JAK2: variants seen among roughly 807,000 people sequenced by gnomAD.
JAK2 encodes tyrosine-protein kinase JAK2.
A neutral mutation model predicts 139.3 loss-of-function variants in JAK2; 86 were observed. The ratio of observed to expected loss-of-function variants is 0.62; its 90% confidence interval spans 0.52 to 0.74. The LOEUF (loss-of-function observed/expected upper bound fraction) is 0.74. Among genes scored for constraint, JAK2 ranks in the 30% least tolerant of loss-of-function variants. The probability of loss-of-function intolerance (pLI) is 0.00; values close to 1 mark genes in which losing one functional copy is unlikely to be tolerated. For missense variants in JAK2, 1,421 were observed against 1,360.3 expected, an observed-to-expected ratio of 1.04 and a Z score of -0.70; for synonymous variants, 490 against 437.7, an observed-to-expected ratio of 1.12 and a Z score of -1.49.
intron 6 of JAK2, among the ~76,000 whole-genome samples, chr9:5,051,791 A>G (rs895649296): frequency 6.6e-6 from 1 of 152,110 alleles, no homozygotes; most frequent in Non-Finnish European, 1.5e-5. Flanking sequence ...TTTCTTTGCC[A>G]TGTCATCAAA....
rs77375493 is a variant in JAK2 at position 5,073,770 on chromosome 9, G to T, written c.1849G>T (p.Val617Phe). 471 of 1,605,918 alleles carry T rather than the reference G, an allele frequency of 2.9e-4. 17 individuals are homozygous for T. Among genetic ancestry groups the T allele is most frequent in the Middle Eastern group, 4.9e-4 (3 of 6,062 alleles). Residue 617 changes from valine (V) to phenylalanine (F), a missense_variant, in exon 14 of 25, where the codon GTC becomes TTC. Transcript: ENST00000381652. Reference protein sequence around the residue: ...KHLVLNYGVCVCGDENILVQE... With the variant: ...KHLVLNYGVCFCGDENILVQE... ...TTTGGTTTTAAATTATGGAGTATGT[G>T]TCTGTGGAGACGAGAGTAAGTAAAA...
chr9:5,104,974 A>G (rs1821832363), intron 22 of JAK2, among the ~76,000 whole-genome samples: 1 of 152,216 alleles, frequency 6.6e-6, no homozygotes, highest in African/African-American at 2.4e-5. Flanking sequence ...CAAAAACTGG[A>G]AGCATTCCCT....
At position 5,050,800 on chromosome 9, in the gene JAK2, C is replaced by G; in HGVS notation, c.583C>G (p.Gln195Glu). 3 of 1,613,612 alleles carry G rather than the reference C, an allele frequency of 1.9e-6. No individual in the cohort carries two copies. The highest frequency in any genetic ancestry group is 2.5e-6 in the Non-Finnish European group (3 of 1,179,648). ...DMMRIAKENDQTPLAIYNSIS... is the reference protein window; with the variant it reads ...DMMRIAKENDETPLAIYNSIS... Reference sequence around the variant, plus strand: ...GATGAGAATAGCCAAAGAAAACGATCAAACCCCACTGGCCATCTATAACTC... The same window carrying G: ...GATGAGAATAGCCAAAGAAAACGATGAAACCCCACTGGCCATCTATAACTC... Residue 195 changes from glutamine to glutamate, a missense_variant, in exon 6 of 25, where the codon CAA becomes GAA. Physicochemically the swap from Gln to Glu is conservative, Grantham distance 29. Coordinates refer to ENST00000381652, the MANE Select transcript of JAK2 (RefSeq NM_004972.4).
intron 22 of JAK2, chr9:5,109,365 G>T (rs1174129276): frequency 6.6e-6 from 1 of 152,062 alleles, no homozygotes; most frequent in Non-Finnish European, 1.5e-5. Flanking sequence ...TATCTACCAA[G>T]AAAGTATGCA....
chr9:5,091,214 G>A (rs1820547000), intron 22 of JAK2: 1 of 197,732 alleles, frequency 5.1e-6, no homozygotes, highest in African/African-American at 2.3e-5. Flanking sequence ...GTGGGTTGTG[G>A]TATTGTGTTG....
chr9:5,042,587 C>CCCAG (rs1816672666), intron 4 of JAK2, among the ~76,000 whole-genome samples: 1 of 138,824 alleles, frequency 7.2e-6, no homozygotes, highest in African/African-American at 2.9e-5. Context: ...ATCCTGGAGG[C>CCCAG]CCCCAGGGCT....
intron 22 of JAK2, chr9:5,096,838 T>C (rs1215476054): frequency 1.3e-5 from 2 of 152,152 alleles, no homozygotes; most frequent in African/African-American, 4.8e-5. Flanking sequence ...AATGTTATTG[T>C]TACCGCCCAC....
intron 22 of JAK2, chr9:5,108,365 T>C (rs751170507): frequency 3.9e-5 from 6 of 152,148 alleles, no homozygotes; most frequent in Non-Finnish European, 8.8e-5. Flanking sequence ...CAAGCTCATA[T>C]TTCCTATTGT....
In JAK2 at chr9:5,055,779, T is replaced by C; in HGVS notation, c.1047T>C (p.Gly349=). ...SRVVTIHKQD[G]KNLEIELSSL... ...TTGTAACTATCCATAAGCAAGATGG[T>C]AAAAATCTGGTAAGTTTGCTTTATG... Residue 349 remains glycine, a synonymous_variant, in exon 8 of 25, where the codon GGT becomes GGC. Transcript: ENST00000381652. 1 of 1,610,054 alleles carries C rather than the reference T, an allele frequency of 6.2e-7. No homozygotes were observed. Among genetic ancestry groups the C allele is most frequent in the Non-Finnish European group, 8.5e-7 (1 of 1,177,376 alleles).
At chr9:5,095,203 GT>G (rs1033671706) in intron 22 of JAK2, among the ~76,000 whole-genome samples, 3 of 152,068 alleles carry the variant, frequency 2.0e-5, no homozygotes, top group Non-Finnish European at 2.9e-5. Context: ...TCCTGAAAAT[GT>G]TGGTTATACC....
At position 5,081,768 on chromosome 9, in the gene JAK2, G is replaced by T. The variant is rs763745031; in HGVS notation, c.2478G>T (p.Arg826Ser). 1.9e-6 allele frequency: 3 copies of T among 1,602,520 alleles called. No homozygotes were observed. The highest frequency in any genetic ancestry group is 2.6e-6 in the Non-Finnish European group (3 of 1,169,568). The change falls in exon 19 of 25, where the codon AGG becomes AGT. Residue 826 changes from arginine (R) to serine (S), a missense_variant. Arg to Ser is a moderately radical substitution (Grantham distance 110). Coordinates refer to ENST00000381652, the MANE Select transcript of JAK2 (RefSeq NM_004972.4). ...LTENDMLPNM[R>S]IGALGFSGAF... Reference sequence around the variant, plus strand: ...AAAATGACATGTTACCAAATATGAGGATAGGTGCCCTGGGGTTTTCTGGTG... The same window carrying T: ...AAAATGACATGTTACCAAATATGAGTATAGGTGCCCTGGGGTTTTCTGGTG...
rs1347178772 is a variant in JAK2, at chr9:5,101,032, G to A, written c.3059+10121G>A. The A allele has an allele frequency of 2.0e-5, 3 of 152,410 alleles. No individual in the cohort carries two copies. In the East Asian group the frequency reaches 5.8e-4, roughly 29 times the overall value. The allele number at this position is 152,410 out of a possible 1,614,324, so 9.4% of individuals were successfully genotyped here. ...TGGTTCATCTCATCGGGACTGGTTG[G>A]ACAGGGGGTGCAGCCCACAGAGGGC... On this transcript the variant is annotated intron_variant, in intron 22 of 24. Transcript: ENST00000381652.
intron 2 of JAK2, among the ~76,000 whole-genome samples, chr9:5,001,619 C>T (rs901764722): frequency 6.9e-6 from 1 of 144,244 alleles, no homozygotes; most frequent in African/African-American, 2.6e-5. Context: ...GAAACATTTG[C>T]CTGTAATTTT....
intron 19 of JAK2, among the ~76,000 whole-genome samples, chr9:5,082,587 G>A (rs190599017): frequency 2.6e-5 from 4 of 152,340 alleles, no homozygotes; most frequent in Non-Finnish European, 5.9e-5. Flanking sequence ...GACCCTTCAC[G>A]GATGTTGGGC....
At chr9:5,112,678 G>C (rs901323234) in intron 22 of JAK2, 4 of 938,398 alleles carry the variant, frequency 4.3e-6, no homozygotes, top group Non-Finnish European at 4.5e-6. Context: ...AGGCCGTCTC[G>C]GTCATCCTGA....
At chr9:5,021,024 C>T (rs949517074) in intron 2 of JAK2, among the ~76,000 whole-genome samples, 10 of 152,084 alleles carry the variant, frequency 6.6e-5, no homozygotes, top group Middle Eastern at 3.2e-3. Flanking sequence ...CTCCCAGGGC[C>T]CATGAAAGTT....
chr9:5,104,778 C>G (rs1441741379), intron 22 of JAK2, among the ~76,000 whole-genome samples: 4 of 152,192 alleles, frequency 2.6e-5, no homozygotes, highest in African/African-American at 9.7e-5. Flanking sequence ...AAACGTAATC[C>G]ATAACATAAA....
intron 5 of JAK2, among the ~76,000 whole-genome samples, chr9:5,050,253 G>A (rs1262689593): frequency 2.0e-5 from 3 of 152,034 alleles, no homozygotes; most frequent in Admixed American, 6.6e-5. Context: ...AAATTGTATC[G>A]CAAAATGAAT....
chr9:5,018,837 A>G (rs929675651), intron 2 of JAK2, among the ~76,000 whole-genome samples: 8 of 151,582 alleles, frequency 5.3e-5, no homozygotes, highest in Non-Finnish European at 1.0e-4. Context: ...ATATCGTTCC[A>G]TTCTCTTCCT....
Sources: allele counts gnomAD v4.1 joint callset (sites outside exome capture counted in the v4.1 genomes callset), GRCh38; gene constraint gnomAD v4.1.1; transcripts MANE v1.5; gene names NCBI Gene and HGNC (gene_info 2026-07-23, HGNC 2026-07-21).